BMP8A: variants seen among roughly 807,000 people sequenced by gnomAD.
The protein encoded by BMP8A is BMP-8A.
A neutral mutation model predicts 36.8 loss-of-function variants in BMP8A; 14 were observed. The ratio of observed to expected loss-of-function variants is 0.38; its 90% CI spans 0.25 to 0.60. The LOEUF (loss-of-function observed/expected upper bound fraction) is 0.60. Ranked by LOEUF, BMP8A falls within the 20% of genes least tolerant of loss-of-function variation. The probability of loss-of-function intolerance (pLI) is 0.63; values close to 1 mark genes in which losing one functional copy is unlikely to be tolerated. For missense variants in BMP8A, 267 were observed against 551.1 expected, an observed-to-expected ratio of 0.48 and a Z score of 5.16; for synonymous variants, 120 against 237.7, an observed-to-expected ratio of 0.50 and a Z score of 4.55.
At chr1:39,517,531 G>A (rs1262993759) in intron 3 of BMP8A, among the ~76,000 whole-genome samples, 2 of 151,794 alleles carry the variant, frequency 1.3e-5, no homozygotes, top group South Asian at 2.1e-4. Flanking sequence ...CTCCATATTG[G>A]CCAGGCTGGT....
intron 1 of BMP8A, among the ~76,000 whole-genome samples, chr1:39,498,847 T>C (rs1165922833): frequency 5.9e-5 from 9 of 151,782 alleles, no homozygotes; most frequent in South Asian, 2.1e-4. Flanking sequence ...AGGAGGCAGG[T>C]CCACAGCAAC....
intron 1 of BMP8A, among the ~76,000 whole-genome samples, chr1:39,510,252 T>C (rs1027128887): frequency 2.8e-5 from 3 of 108,340 alleles, no homozygotes; most frequent in African/African-American, 1.0e-4. Flanking sequence ...ACCCTGTGCA[T>C]GCGAGGTCCC....
intron 1 of BMP8A, 27 bp downstream of exon 1, chr1:39,492,352 C>G (rs763686618): frequency 1.3e-6 from 2 of 1,524,530 alleles, no homozygotes; most frequent in South Asian, 2.4e-5. Context: ...GCGCGGGGAC[C>G]CTCGGAGTAA....
chr1:39,504,725 G>GC (rs1645285093), intron 1 of BMP8A, among the ~76,000 whole-genome samples: 1 of 152,238 alleles, frequency 6.6e-6, no homozygotes. Flanking sequence ...GCAGCACTCA[G>GC]CATACGGAGG....
chr1:39,522,446 C>T lies in BMP8A; in HGVS notation c.912C>T (p.His304=), dbSNP rs775712272. 1.7e-5 allele frequency: 27 copies of T among 1,613,414 alleles called. No homozygotes were observed. Among genetic ancestry groups the T allele is most frequent in the African/African-American group, 8.0e-5 (6 of 74,894 alleles). The part of the protein sequence containing the change: ...GSHGRQVCRR[H]ELYVSFQDLG... ...ACGGCCGGCAGGTCTGCCGTCGGCA[C>T]GAGCTCTACGTCAGCTTCCAGGACC... The change falls in exon 5 of 7, where the codon CAC becomes CAT. Residue 304 remains histidine (H), a synonymous_variant. Coordinates refer to ENST00000331593, the MANE Select transcript of BMP8A (RefSeq NM_181809.4).
intron 1 of BMP8A, among the ~76,000 whole-genome samples, chr1:39,492,834 G>C (rs552028051): frequency 1.3e-5 from 2 of 152,316 alleles, no homozygotes; most frequent in South Asian, 4.1e-4. Flanking sequence ...GCTGTCAGGG[G>C]AGCGGCTGGG....
In BMP8A at chr1:39,525,850, T is replaced by C. The variant is rs1645478625; in HGVS notation, c.*52T>C. ...CACCCTTCTCATCTGGATCGGGCCC[T>C]GCAGAGGCAGAAAACCCTTAAATGC... On this transcript the variant is annotated 3_prime_UTR_variant, in exon 7 of 7. Coordinates refer to ENST00000331593, the MANE Select transcript of BMP8A (RefSeq NM_181809.4). 6.2e-7 allele frequency: 1 copy of C among 1,608,228 alleles called. No individual in the cohort carries two copies. Among genetic ancestry groups the C allele is most frequent in the African/African-American group, 1.3e-5 (1 of 74,890 alleles).
Position 39,491,810 on chromosome 1 carries a change from C to T in BMP8A, c.-182C>T. 2.7e-6 allele frequency: 1 copy of T among 364,220 alleles called. No individual in the cohort carries two copies. The highest frequency in any genetic ancestry group is 3.9e-6 in the Non-Finnish European group (1 of 255,166). 22.6% of individuals were successfully genotyped at this position (364,220 alleles called of 1,614,324 possible). A position where few individuals can be genotyped will look rare whatever the true frequency, so the allele number is the denominator to read the frequency against. On this transcript the variant is annotated 5_prime_UTR_variant, in exon 1 of 7. Coordinates refer to ENST00000331593, the MANE Select transcript of BMP8A (RefSeq NM_181809.4). The stretch of plus-strand genomic sequence containing the variant: ...TGCGTCCGCGTCAGCGTCCGCTTGT[C>T]CCGGAGCCGGGGCAGGTGCGCGCGG...
intron 1 of BMP8A, among the ~76,000 whole-genome samples, chr1:39,494,259 T>A (rs1167179733): frequency 6.6e-6 from 1 of 152,192 alleles, no homozygotes; most frequent in Non-Finnish European, 1.5e-5. Context: ...ATCAAAGGTG[T>A]TTGTACTTAT....
intron 1 of BMP8A, among the ~76,000 whole-genome samples, chr1:39,497,657 C>T (rs1197061165): frequency 6.6e-6 from 1 of 152,202 alleles, no homozygotes; most frequent in East Asian, 1.9e-4. Context: ...GCCTGTGTGA[C>T]CCAGGGGCTC....
At chr1:39,498,184 A>T (rs1489949037) in intron 1 of BMP8A, among the ~76,000 whole-genome samples, 1 of 152,126 alleles carries the variant, frequency 6.6e-6, no homozygotes, top group Non-Finnish European at 1.5e-5. Flanking sequence ...AGTCCTTTCC[A>T]GCTCTGACCA....
rs71060315 is a variant in BMP8A at position 39,524,009 on chromosome 1, C to CAT, written c.1059+892_1059+893insAT. 2,569 of 155,666 alleles carry CAT rather than the reference C, an allele frequency of 0.017. 90 individuals carry two copies. The highest frequency in any genetic ancestry group is 0.059 in the African/African-American group (2,455 of 41,494). The allele number at this position is 155,666 out of a possible 1,614,324, so 9.6% of individuals were successfully genotyped here. The stretch of plus-strand genomic sequence containing the variant: ...ACACACACACACACACACACACACA[C>CAT]GTGCGCACACAATGCCTTGGTGTGA... On this transcript the variant is annotated intron_variant, in intron 6 of 6. Coordinates refer to ENST00000331593, the MANE Select transcript of BMP8A (RefSeq NM_181809.4). This position sits in a 1 kb window ranked among gnomAD's most constrained non-coding sequence, Gnocchi z 4.0.
intron 3 of BMP8A, chr1:39,515,006 C>T (rs1358716457): frequency 2.0e-6 from 3 of 1,536,494 alleles, no homozygotes; most frequent in Non-Finnish European, 2.6e-6. Flanking sequence ...GGGTCCCCGC[C>T]GGCGGCTCAG....
At chr1:39,519,449 A>T (rs1327340888) in intron 3 of BMP8A, among the ~76,000 whole-genome samples, 3 of 137,098 alleles carry the variant, frequency 2.2e-5, no homozygotes, top group African/African-American at 7.6e-5. Flanking sequence ...AGCCCTGCCC[A>T]GTGGATTCTC....
intron 3 of BMP8A, chr1:39,514,825 T>C: frequency 1.7e-6 from 2 of 1,199,684 alleles, no homozygotes; most frequent in African/African-American, 1.6e-5. Context: ...GCCTAGAGCC[T>C]GCGCCTGGCC....
At chr1:39,493,090 G>A (rs1382517745) in intron 1 of BMP8A, among the ~76,000 whole-genome samples, 2 of 152,116 alleles carry the variant, frequency 1.3e-5, no homozygotes, top group African/African-American at 4.8e-5. Context: ...AAACTCTTTG[G>A]TCTATGCTCG....
At position 39,493,881 on chromosome 1, in the gene BMP8A, A is replaced by C. The variant is rs1645182567; in HGVS notation, c.334+1556A>C. ...ATGTCCCCAGGGAGCCGCCCATCAG[A>C]ATGCGTCACCACCCAGCCCACATCC... On this transcript the variant is annotated intron_variant, in intron 1 of 6. Coordinates refer to ENST00000331593, the MANE Select transcript of BMP8A (RefSeq NM_181809.4). Among the ~76,000 whole-genome samples, 6 of 152,290 alleles carry C rather than the reference A, an allele frequency of 3.9e-5. No individual in the cohort carries two copies. In the South Asian group the frequency reaches 1.2e-3, roughly 32 times the overall value.
intron 1 of BMP8A, among the ~76,000 whole-genome samples, chr1:39,494,338 C>T (rs1255372500): frequency 1.4e-5 from 2 of 146,014 alleles, no homozygotes; most frequent in South Asian, 2.1e-4. Flanking sequence ...TTCTTTCTTT[C>T]TTTTTTCTTT....
chr1:39,508,479 G>A (rs1023933242), intron 1 of BMP8A, among the ~76,000 whole-genome samples: 2 of 152,184 alleles, frequency 1.3e-5, no homozygotes, highest in African/African-American at 4.8e-5. Flanking sequence ...TCCCCACTTC[G>A]CAGATAAGGA....
Sources: gnomAD v4.1 joint callset for allele counts (sites outside exome capture counted in the v4.1 genomes callset) on GRCh38, gnomAD v4.1.1 for gene constraint, Gnocchi (gnomAD v3.1) non-coding constraint, MANE v1.5 for transcripts, NCBI Gene and HGNC (gene_info 2026-07-23, HGNC 2026-07-21) for gene names.